ELAPOR1: variants seen among roughly 807,000 people sequenced by gnomAD.
ELAPOR1 encodes endosome/lysosome-associated apoptosis and autophagy regulator 1.
A neutral mutation model predicts 119.7 loss-of-function variants in ELAPOR1; 77 were observed. The observed-to-expected ratio is 0.64, with a 90% confidence interval of 0.54 to 0.78. The LOEUF (loss-of-function observed/expected upper bound fraction) is 0.78. Ranked by LOEUF, ELAPOR1 falls within the 30% of genes least tolerant of loss-of-function variation. ELAPOR1 has a pLI of 0.00. For missense variants in ELAPOR1, 1,115 were observed against 1,270.4 expected (o/e 0.88, Z 1.86); for synonymous variants, 481 against 487.2 (o/e 0.99, Z 0.17).
chr1:109,199,704 G>T, intron 18 of ELAPOR1, 150 bp from the exon 19 acceptor site: 1 of 885,562 alleles, frequency 1.1e-6, no homozygotes, highest in South Asian at 1.7e-5. Context: ...CAAAACCTGT[G>T]TTAAGGACTA....
chr1:109,124,838 T>C (rs1171984424), intron 1 of ELAPOR1, among the ~76,000 whole-genome samples: 1 of 152,180 alleles, frequency 6.6e-6, no homozygotes, highest in Non-Finnish European at 1.5e-5. Context: ...AGCTCCCAAG[T>C]GACCTCAGAG....
intron 11 of ELAPOR1, among the ~76,000 whole-genome samples, chr1:109,190,351 A>G (rs1653356479): frequency 6.6e-6 from 1 of 152,214 alleles, no homozygotes; most frequent in African/African-American, 2.4e-5. Context: ...GCTGGTTAAC[A>G]CAGCTGCATA....
chr1:109,196,315 A>G (rs1032471963), intron 15 of ELAPOR1, among the ~76,000 whole-genome samples: 3 of 152,234 alleles, frequency 2.0e-5, no homozygotes, highest in Non-Finnish European at 4.4e-5. Context: ...AAACTAATCT[A>G]TGAAAGATTA....
intron 20 of ELAPOR1, 101 bp from the exon 21 acceptor site, chr1:109,200,634 T>C: frequency 1.8e-6 from 2 of 1,109,542 alleles, no homozygotes; most frequent in South Asian, 1.5e-5. Context: ...TCCTTACCCA[T>C]GGCATGGGAA....
At chr1:109,152,952 C>CA (rs11392572) in intron 1 of ELAPOR1, among the ~76,000 whole-genome samples, 53,266 of 102,098 alleles carry the variant, frequency 0.52, 13,629 homozygotes, top group East Asian at 0.89. Flanking sequence ...ACCCTGTCTC[C>CA]AAAAAAAAAA....
In ELAPOR1 at chr1:109,156,175, A is replaced by G. The variant is rs141597891; in HGVS notation, c.154-5719A>G. Among the ~76,000 whole-genome samples the G allele has an allele frequency of 4.8e-3, 729 of 152,128 alleles. 2 individuals are homozygous for G. Among genetic ancestry groups the G allele is most frequent in the Non-Finnish European group, 8.3e-3 (561 of 67,998 alleles). ...ATATATAGATTTATATTTTATAAAA[A>G]TATTTTTTATTTTGGAGATATTTCT... On this transcript the variant is annotated intron_variant, in intron 1 of 21. Coordinates refer to ENST00000369939, the MANE Select transcript of ELAPOR1 (RefSeq NM_020775.5).
At chr1:109,147,161 C>T (rs1279926286) in intron 1 of ELAPOR1, among the ~76,000 whole-genome samples, 4 of 151,868 alleles carry the variant, frequency 2.6e-5, no homozygotes, top group African/African-American at 9.7e-5. Flanking sequence ...GGTGATCTGC[C>T]CACCTCAGCC....
At chr1:109,143,871 G>A (rs1649987039) in intron 1 of ELAPOR1, among the ~76,000 whole-genome samples, 1 of 151,258 alleles carries the variant, frequency 6.6e-6, no homozygotes, top group Non-Finnish European at 1.5e-5. Context: ...ATGTTGCCCA[G>A]GCTGATCTGG....
intron 1 of ELAPOR1, among the ~76,000 whole-genome samples, chr1:109,142,828 T>C (rs1570632185): frequency 6.6e-6 from 1 of 152,316 alleles, no homozygotes; most frequent in African/African-American, 2.4e-5. Context: ...AGAACATATA[T>C]TCACACAAAA....
At chr1:109,144,061 A>ATATTTTTTT in intron 1 of ELAPOR1, among the ~76,000 whole-genome samples, 5 of 89,014 alleles carry the variant, frequency 5.6e-5, no homozygotes, top group Admixed American at 1.3e-4. Flanking sequence ...ATATTTATAT[A>ATATTTTTTT]TTTTTTTTTT....
intron 7 of ELAPOR1, among the ~76,000 whole-genome samples, chr1:109,175,726 C>T (rs1026485556): frequency 1.4e-5 from 2 of 146,046 alleles, no homozygotes; most frequent in African/African-American, 2.5e-5. Flanking sequence ...ACTCAGGAGG[C>T]TGAGGCTGGA....
At chr1:109,144,056 TATATA>T (rs748511409) in intron 1 of ELAPOR1, among the ~76,000 whole-genome samples, 26 of 28,894 alleles carry the variant, frequency 9.0e-4, no homozygotes, top group South Asian at 1.7e-3. Context: ...TATATATATT[TATATA>T]TTTTTTTTTT....
At chr1:109,161,759 C>A in intron 1 of ELAPOR1, 135 bp from the exon 2 acceptor site, 1 of 1,007,024 alleles carries the variant, frequency 9.9e-7, no homozygotes, top group Non-Finnish European at 1.5e-6. Context: ...TAATCATCAG[C>A]TCCCTGCCCG....
Position 109,198,062 on chromosome 1 carries a change from ATCT to A in ELAPOR1, c.2391_2393del (p.Phe798del), listed in dbSNP as rs1557702486. On this transcript the variant is annotated inframe_deletion, in exon 17 of 22. Transcript: ENST00000369939. ...GGAGTCCTTGGGAATACCGGACGTG[ATCT>A]TCTTTTATAGGTGAAGATGAGAGGC... The A allele has an allele frequency of 1.2e-6, 2 of 1,613,356 alleles. No homozygotes were observed. The highest frequency in any genetic ancestry group is 1.7e-6 in the Non-Finnish European group (2 of 1,179,322).
Position 109,114,248 on chromosome 1 carries a change from T to A in ELAPOR1, c.65T>A (p.Ile22Lys), listed in dbSNP as rs201352339. ...GTCAGGGGAAGAACTGAGAGGCGCA[T>A]ACCCCGGCTGTGGCGGCTGCTGCTC... Reference protein sequence around the residue: ...ARVRGRTERRIPRLWRLLLWA... With the variant: ...ARVRGRTERRKPRLWRLLLWA... The change falls in exon 1 of 22, where the codon ATA becomes AAA. Residue 22 changes from isoleucine to lysine, a missense_variant. Transcript: ENST00000369939. 324 of 1,604,286 alleles carry A rather than the reference T, an allele frequency of 2.0e-4. No homozygotes were observed. Among genetic ancestry groups the A allele is most frequent in the Non-Finnish European group, 2.1e-4 (242 of 1,175,486 alleles).
At chr1:109,151,580 C>T (rs1418786843) in intron 1 of ELAPOR1, among the ~76,000 whole-genome samples, 1 of 152,214 alleles carries the variant, frequency 6.6e-6, no homozygotes, top group African/African-American at 2.4e-5. Context: ...ATCTGGGGAA[C>T]TCATGTTCCA....
At chr1:109,128,380 A>C (rs1648929461) in intron 1 of ELAPOR1, among the ~76,000 whole-genome samples, 1 of 152,220 alleles carries the variant, frequency 6.6e-6, no homozygotes, top group Non-Finnish European at 1.5e-5. Context: ...CAAAACAATA[A>C]AGGAAAACTG....
intron 1 of ELAPOR1, among the ~76,000 whole-genome samples, chr1:109,138,302 T>G (rs1461220348): frequency 6.6e-6 from 1 of 152,028 alleles, no homozygotes. Context: ...TGGCTGAGGG[T>G]GCGTTTTTGT....
chr1:109,168,070 CT>C (rs1402011985), intron 3 of ELAPOR1, among the ~76,000 whole-genome samples: 4 of 152,168 alleles, frequency 2.6e-5, no homozygotes, highest in Admixed American at 2.6e-4. Flanking sequence ...TCCCAAGTTC[CT>C]TCTGTCTTCA....
Sources: allele counts gnomAD v4.1 joint callset (sites outside exome capture counted in the v4.1 genomes callset), GRCh38; gene constraint gnomAD v4.1.1; transcripts MANE v1.5; gene names NCBI Gene and HGNC (gene_info 2026-07-23, HGNC 2026-07-21).